Variants in ABL1 observed in about 807,000 individuals in gnomAD.
ABL1 encodes the protein tyrosine-protein kinase ABL1.
ABL1 carries 11 observed loss-of-function variants against 94.7 expected under a neutral mutation model. That is an observed-to-expected ratio of 0.12 (90% confidence interval 0.07 to 0.19). ABL1 has a LOEUF of 0.19. Ranked by LOEUF, ABL1 falls within the 10% of genes least tolerant of loss-of-function variation. ABL1 has a pLI of 1.00. For missense variants in ABL1, 1,082 were observed against 1,489.4 expected, an observed-to-expected ratio of 0.73 and a Z score of 4.50; for synonymous variants, 656 against 622.4, an observed-to-expected ratio of 1.05 and a Z score of -0.80.
chr9:130,857,313 T>G (rs1339301108), intron 3 of ABL1, among the ~76,000 whole-genome samples: 4 of 152,194 alleles, frequency 2.6e-5, no homozygotes, highest in Non-Finnish European at 5.9e-5. Flanking sequence ...ATGAAAGGGC[T>G]TGTTTCCCCT....
At chr9:130,842,397 A>C (rs1179820614) in intron 1 of ABL1, among the ~76,000 whole-genome samples, 1 of 152,262 alleles carries the variant, frequency 6.6e-6, no homozygotes, top group African/African-American at 2.4e-5. Flanking sequence ...CATTACTCTT[A>C]AATTCTCTAT....
chr9:130,844,732 C>T (rs1405646175), intron 1 of ABL1, among the ~76,000 whole-genome samples: 1 of 152,018 alleles, frequency 6.6e-6, no homozygotes, highest in Admixed American at 6.6e-5. Flanking sequence ...ACCCGGGAGG[C>T]GGAGGTTGAA....
intron 1 of ABL1, among the ~76,000 whole-genome samples, chr9:130,751,782 C>T (rs1831970768): frequency 6.6e-6 from 1 of 152,212 alleles, no homozygotes; most frequent in Non-Finnish European, 1.5e-5. Flanking sequence ...CAAATGCTTT[C>T]CAGCCGGGCT....
intron 1 of ABL1, among the ~76,000 whole-genome samples, chr9:130,776,029 A>G (rs1832306672): frequency 6.6e-6 from 1 of 152,230 alleles, no homozygotes; most frequent in Non-Finnish European, 1.5e-5. Flanking sequence ...ACAAAAACTG[A>G]TGTCTCCAGC....
chr9:130,840,763 C>T (rs528456350), intron 1 of ABL1, among the ~76,000 whole-genome samples: 16 of 152,236 alleles, frequency 1.1e-4, no homozygotes, highest in Admixed American at 2.0e-4. Context: ...AAGCAATCCT[C>T]CCACCTCAGC....
chr9:130,733,530 T>C (rs1316293125), intron 1 of ABL1, among the ~76,000 whole-genome samples: 1 of 151,594 alleles, frequency 6.6e-6, no homozygotes, highest in Admixed American at 6.6e-5. Flanking sequence ...GCCTCTCAGG[T>C]AGCTGTGAGT....
chr9:130,718,041 G>A (rs1284500428), intron 1 of ABL1, among the ~76,000 whole-genome samples: 2 of 149,212 alleles, frequency 1.3e-5, no homozygotes, highest in South Asian at 2.1e-4. Context: ...TTCCTGGCTG[G>A]GTGTGGTGGC....
At chr9:130,813,561 C>CAAAAAAAAAAAAAAAAAAAAAAAAAAA (rs57194587) in intron 1 of ABL1, among the ~76,000 whole-genome samples, 1 of 60,642 alleles carries the variant, frequency 1.6e-5, no homozygotes, top group African/African-American at 5.6e-5. Context: ...ACTCCATCTC[C>CAAAAAAAAAAAAAAAAAAAAAAAAAAA]AAAAAAAAAA....
At position 130,885,549 on chromosome 9, in the gene ABL1, A is replaced by G. The variant is rs1831564660; in HGVS notation, c.3259A>G (p.Ile1087Val). The G allele has an allele frequency of 1.9e-6, 3 of 1,614,022 alleles. No individual in the cohort carries two copies. Among genetic ancestry groups the G allele is most frequent in the African/African-American group, 2.7e-5 (2 of 74,962 alleles). Residue 1087 changes from isoleucine (I) to valine (V), a missense_variant, in exon 11 of 11, where the codon ATC becomes GTC. This residue lies in a region of ABL1 where 780 missense variants were observed against 835.8 expected (regional missense o/e 0.93). Coordinates refer to ENST00000318560, the MANE Select transcript of ABL1 (RefSeq NM_005157.6). ...MRNKFAFREAINKLENNLREL... is the reference protein window; with the variant it reads ...MRNKFAFREAVNKLENNLREL... Reference sequence around the variant, plus strand: ...GAACAAGTTTGCCTTCCGAGAGGCCATCAACAAACTGGAGAATAATCTCCG... The same window carrying G: ...GAACAAGTTTGCCTTCCGAGAGGCCGTCAACAAACTGGAGAATAATCTCCG...
At chr9:130,800,712 T>C (rs1206321554) in intron 1 of ABL1, among the ~76,000 whole-genome samples, 1 of 152,210 alleles carries the variant, frequency 6.6e-6, no homozygotes, top group Non-Finnish European at 1.5e-5. Context: ...TTACTCCTGT[T>C]GTATGTATTT....
At chr9:130,770,570 C>T (rs551197726) in intron 1 of ABL1, among the ~76,000 whole-genome samples, 4 of 152,240 alleles carry the variant, frequency 2.6e-5, no homozygotes, top group South Asian at 2.1e-4. Flanking sequence ...AGGAGCGGCA[C>T]GAAATGCAAA....
intron 3 of ABL1, among the ~76,000 whole-genome samples, chr9:130,859,684 T>TC (rs1831036353): frequency 1.9e-5 from 2 of 107,200 alleles, no homozygotes; most frequent in African/African-American, 9.0e-5. Flanking sequence ...TTCCTTTTTT[T>TC]TTTTTTTTTT....
chr9:130,839,361 T>G (rs1025127902), intron 1 of ABL1, among the ~76,000 whole-genome samples: 20 of 152,246 alleles, frequency 1.3e-4, no homozygotes, highest in African/African-American at 4.8e-4. Flanking sequence ...AAGCTTATGC[T>G]TGCTTTCTGC....
intron 1 of ABL1, among the ~76,000 whole-genome samples, chr9:130,744,787 G>A (rs1238069556): frequency 1.3e-5 from 2 of 150,274 alleles, no homozygotes; most frequent in Admixed American, 1.3e-4. Flanking sequence ...AACCCAGGAG[G>A]CGGAGCTTGC....
chr9:130,761,274 T>A (rs954501503), intron 1 of ABL1, among the ~76,000 whole-genome samples: 2 of 152,120 alleles, frequency 1.3e-5, no homozygotes, highest in Non-Finnish European at 2.9e-5. Context: ...GCCTATTTCC[T>A]CCCCTTTTTA....
chr9:130,883,969 A>T lies in ABL1; in HGVS notation c.1679A>T (p.Asp560Val). The change falls in exon 11 of 11, where the codon GAT (aspartate) becomes GTT (valine). Residue 560 changes from aspartate to valine, a missense_variant and splice_region_variant. Physicochemically the swap from Asp to Val is radical, Grantham distance 152. Transcript: ENST00000318560. ...GTCAGCTCTTCCCCTTGCGTTTCAG[A>T]TCCTCTGGACCATGAGCCTGCCGTG... ...MPHSKGQGES[D>V]PLDHEPAVSP... 1 of 1,604,654 alleles carries T rather than the reference A, an allele frequency of 6.2e-7. No individual in the cohort carries two copies. Among genetic ancestry groups the T allele is most frequent in the African/African-American group, 1.3e-5 (1 of 74,240 alleles).
chr9:130,813,705 A>G (rs1174843457), intron 1 of ABL1, among the ~76,000 whole-genome samples: 3 of 152,214 alleles, frequency 2.0e-5, no homozygotes, highest in African/African-American at 4.8e-5. Context: ...GGTCAAAGAA[A>G]ATCAACAGCG....
At chr9:130,812,755 G>C (rs539641120) in intron 1 of ABL1, among the ~76,000 whole-genome samples, 1 of 152,154 alleles carries the variant, frequency 6.6e-6, no homozygotes, top group Non-Finnish European at 1.5e-5. Flanking sequence ...GATAGAACAA[G>C]TAGACAAAAA....
intron 1 of ABL1, among the ~76,000 whole-genome samples, chr9:130,740,367 C>T (rs754953925): frequency 3.2e-4 from 48 of 152,192 alleles, no homozygotes; most frequent in Non-Finnish European, 6.0e-4. Context: ...AGCCGCTGGG[C>T]GGCAATTGTC....
Sources: allele counts gnomAD v4.1 joint callset (sites outside exome capture counted in the v4.1 genomes callset), GRCh38; gene constraint gnomAD v4.1.1; regional missense constraint gnomAD v4.1.1; transcripts MANE v1.5; gene names NCBI Gene and HGNC (gene_info 2026-07-23, HGNC 2026-07-21).